Variants in GMDS observed in about 807,000 individuals in gnomAD.
GMDS encodes the protein GDP-mannose 4,6-dehydratase, also known as GDP-mannose 4,6 dehydratase.
GMDS carries 20 observed loss-of-function variants against 49.9 expected under a neutral mutation model. That is an observed-to-expected ratio of 0.40 (90% CI 0.28 to 0.58). GMDS has a LOEUF of 0.58. GMDS is among the 20% of genes least tolerant of loss of function. The pLI is 0.42. For missense variants in GMDS, 362 were observed against 481.4 expected, an observed-to-expected ratio of 0.75 and a Z score of 2.32; for synonymous variants, 177 against 178.6, an observed-to-expected ratio of 0.99 and a Z score of 0.07.
chr6:2,035,328 T>TTC (rs1392683199), intron 4 of GMDS, among the ~76,000 whole-genome samples: 1 of 152,198 alleles, frequency 6.6e-6, no homozygotes, highest in African/African-American at 2.4e-5. Flanking sequence ...CTAGATGCCC[T>TTC]TCTCTCCATT....
intron 1 of GMDS, among the ~76,000 whole-genome samples, chr6:2,224,271 G>A (rs1780723561): frequency 6.6e-6 from 1 of 152,220 alleles, no homozygotes; most frequent in Admixed American, 6.5e-5. Context: ...ACAGCCCGTT[G>A]TGGAACCCTA....
intron 7 of GMDS, among the ~76,000 whole-genome samples, chr6:1,841,103 T>C (rs2113746530): frequency 6.6e-6 from 1 of 152,262 alleles, no homozygotes; most frequent in South Asian, 2.1e-4. Flanking sequence ...TTTTTAAGCT[T>C]TGTTGACTAA....
intron 7 of GMDS, among the ~76,000 whole-genome samples, chr6:1,760,623 C>T (rs1768121742): frequency 6.6e-6 from 1 of 152,206 alleles, no homozygotes; most frequent in African/African-American, 2.4e-5. Flanking sequence ...CATGCACCGT[C>T]TTTGTAACTG....
At position 1,640,053 on chromosome 6, in the gene GMDS, T is replaced by G. The variant is rs1763280188; in HGVS notation, c.988-15513A>C. ...AAATCAGTGCCTGATGTTGGGTAAGTGCCCGACAGACAGCAGCTCCTGCCA... is the reference window on the plus strand; with the variant it reads ...AAATCAGTGCCTGATGTTGGGTAAGGGCCCGACAGACAGCAGCTCCTGCCA... On this transcript the variant is annotated intron_variant, in intron 9 of 10. Transcript: ENST00000380815. The surrounding 1 kb of genome is among the most constrained non-coding windows in gnomAD (Gnocchi z 4.0). Among the ~76,000 whole-genome samples, 1 of 152,146 alleles carries G rather than the reference T, an allele frequency of 6.6e-6. No individual in the cohort carries two copies. Among genetic ancestry groups the G allele is most frequent in the African/African-American group, 2.4e-5 (1 of 41,430 alleles).
chr6:2,161,134 C>A (rs1194412156), intron 1 of GMDS, among the ~76,000 whole-genome samples: 1 of 152,038 alleles, frequency 6.6e-6, no homozygotes, highest in Non-Finnish European at 1.5e-5. Flanking sequence ...GCCTCAGCCT[C>A]CCAAGTAGCT....
chr6:1,988,469 G>A (rs773336915), intron 4 of GMDS, among the ~76,000 whole-genome samples: 16 of 152,044 alleles, frequency 1.1e-4, no homozygotes, highest in Non-Finnish European at 2.1e-4. Context: ...TTGGCGGTGG[G>A]GGCGAGGGGG....
intron 7 of GMDS, among the ~76,000 whole-genome samples, chr6:1,919,835 G>A (rs576413149): frequency 3.3e-5 from 5 of 152,264 alleles, no homozygotes; most frequent in African/African-American, 9.6e-5. Flanking sequence ...ATTCCGTGTT[G>A]CCAGGTCTTA....
At chr6:1,832,859 A>G (rs552137076) in intron 7 of GMDS, among the ~76,000 whole-genome samples, 8 of 152,320 alleles carry the variant, frequency 5.3e-5, no homozygotes, top group Non-Finnish European at 1.2e-4. Flanking sequence ...GCTTCAGCGG[A>G]AAAGTCAGCA....
intron 1 of GMDS, among the ~76,000 whole-genome samples, chr6:2,238,469 C>T (rs964168228): frequency 7.2e-5 from 11 of 152,176 alleles, no homozygotes; most frequent in African/African-American, 2.4e-4. Context: ...AATGCATTTG[C>T]ATCCTTGATC....
chr6:2,126,408 A>G (rs914647420), intron 1 of GMDS, among the ~76,000 whole-genome samples: 2 of 152,192 alleles, frequency 1.3e-5, no homozygotes, highest in African/African-American at 2.4e-5. Context: ...GAGCTTCAAA[A>G]GCTCCTACCA....
chr6:1,928,434 T>C (rs1762129962), intron 7 of GMDS, among the ~76,000 whole-genome samples: 2 of 152,050 alleles, frequency 1.3e-5, no homozygotes, highest in African/African-American at 4.8e-5. Flanking sequence ...GCTAGAAGGC[T>C]AAACAATAAA....
At chr6:2,092,905 T>TG (rs1773402088) in intron 4 of GMDS, among the ~76,000 whole-genome samples, 1 of 152,150 alleles carries the variant, frequency 6.6e-6, no homozygotes, top group Non-Finnish European at 1.5e-5. Flanking sequence ...TAAAACAGAA[T>TG]GATAGATACA....
At chr6:1,950,184 C>T (rs566934981) in intron 6 of GMDS, among the ~76,000 whole-genome samples, 19 of 152,118 alleles carry the variant, frequency 1.2e-4, no homozygotes, top group Middle Eastern at 3.4e-3. Flanking sequence ...TATATTATTC[C>T]CTAAAGCACT....
intron 7 of GMDS, among the ~76,000 whole-genome samples, chr6:1,798,619 G>A (rs1301179490): frequency 1.3e-5 from 2 of 152,152 alleles, no homozygotes; most frequent in Admixed American, 6.5e-5. Flanking sequence ...CCAGCCACCC[G>A]CTGAATCTCC....
intron 4 of GMDS, among the ~76,000 whole-genome samples, chr6:2,034,001 T>C (rs995480551): frequency 6.6e-6 from 1 of 152,218 alleles, no homozygotes; most frequent in Non-Finnish European, 1.5e-5. Flanking sequence ...TGTTATGTCA[T>C]CCATTTCAAT....
intron 1 of GMDS, among the ~76,000 whole-genome samples, chr6:2,243,916 G>A (rs184631255): frequency 2.7e-4 from 35 of 127,714 alleles, no homozygotes; most frequent in Middle Eastern, 5.7e-3. Flanking sequence ...CTGGAGTACA[G>A]TGGTACCATC....
chr6:2,135,804 C>A (rs527935433), intron 1 of GMDS, among the ~76,000 whole-genome samples: 1 of 152,240 alleles, frequency 6.6e-6, no homozygotes, highest in Admixed American at 6.5e-5. Context: ...ACACATATAT[C>A]TAGAATGTTT....
Position 2,061,135 on chromosome 6 carries a change from A to G in GMDS, c.345+54636T>C, listed in dbSNP as rs567851600. On this transcript the variant is annotated intron_variant, in intron 4 of 10. Coordinates refer to ENST00000380815, the MANE Select transcript of GMDS (RefSeq NM_001500.4). ...GGTTGCTGTGTCCTGGGTCTGCAAG[A>G]AGGCCAGTGTGGCTGACACCCTGCA... 4.6e-5 allele frequency among the ~76,000 whole-genome samples: 7 copies of G among 152,284 alleles called. No individual in the cohort carries two copies. In the South Asian group the frequency reaches 1.5e-3, roughly 32 times the overall value.
intron 7 of GMDS, among the ~76,000 whole-genome samples, chr6:1,905,737 G>A (rs536114355): frequency 1.7e-4 from 24 of 139,582 alleles, no homozygotes; most frequent in African/African-American, 6.9e-4. Flanking sequence ...GGGTGCTGGC[G>A]TGTAGGTGGG....
Sources: allele counts gnomAD v4.1 joint callset (sites outside exome capture counted in the v4.1 genomes callset), GRCh38; gene constraint gnomAD v4.1.1; non-coding constraint Gnocchi (gnomAD v3.1); transcripts MANE v1.5; gene names NCBI Gene and HGNC (gene_info 2026-07-23, HGNC 2026-07-21).